The following SPOCK3 variants were observed in gnomAD, a reference collection of about 807,000 sequenced individuals.
SPOCK3 encodes the protein SPARC (osteonectin), cwcv and kazal like domains proteoglycan 3, also known as testican-3.
SPOCK3 carries 30 observed loss-of-function variants against 56.6 expected under a neutral mutation model. The ratio of observed to expected loss-of-function variants is 0.53; its 90% confidence interval spans 0.40 to 0.72. The LOEUF is 0.72. Among genes scored for constraint, SPOCK3 ranks in the 30% least tolerant of loss-of-function variants. The pLI is 0.00. For synonymous variants in SPOCK3, 196 were observed against 183.3 expected (o/e 1.07, Z -0.56); for missense variants, 527 against 530.0 (o/e 0.99, Z 0.06).
intron 2 of SPOCK3, among the ~76,000 whole-genome samples, chr4:167,156,530 AAAC>A (rs1164561642): frequency 4.6e-5 from 7 of 152,186 alleles, no homozygotes; most frequent in African/African-American, 1.7e-4. Flanking sequence ...GTGAAAAGAT[AAAC>A]AACAGCTACT....
At chr4:167,059,070 C>A (rs1755265710) in intron 3 of SPOCK3, among the ~76,000 whole-genome samples, 1 of 151,964 alleles carries the variant, frequency 6.6e-6, no homozygotes, top group Non-Finnish European at 1.5e-5. Flanking sequence ...CTAGGCAATA[C>A]CATTCAGGAC....
At chr4:167,009,979 C>G (rs1319122303) in intron 3 of SPOCK3, among the ~76,000 whole-genome samples, 3 of 151,874 alleles carry the variant, frequency 2.0e-5, no homozygotes, top group Admixed American at 6.6e-5. Context: ...ACAACCCTAG[C>G]CTTCAGAGGA....
At chr4:166,768,447 AGC>A (rs1272836019) in intron 7 of SPOCK3, among the ~76,000 whole-genome samples, 8 of 152,216 alleles carry the variant, frequency 5.3e-5, no homozygotes, top group Non-Finnish European at 1.2e-4. Context: ...TCACTTATGA[AGC>A]TAGTTTGGCT....
Position 167,059,137 on chromosome 4 carries a change from C to A in SPOCK3, c.235+3355G>T, listed in dbSNP as rs1755276493. On this transcript the variant is annotated intron_variant, in intron 3 of 10. Transcript: ENST00000357545. ...CACCAAAAGCAGTGGCAACAAAAGCCAAAATTGACAAATGGGATCTAATTA... is the reference window on the plus strand; with the variant it reads ...CACCAAAAGCAGTGGCAACAAAAGCAAAAATTGACAAATGGGATCTAATTA... 4.6e-5 allele frequency among the ~76,000 whole-genome samples: 7 copies of A among 152,068 alleles called. No individual in the cohort carries two copies. In the South Asian group the frequency reaches 1.5e-3, roughly 32 times the overall value.
At chr4:167,180,647 T>C (rs547526795) in intron 2 of SPOCK3, among the ~76,000 whole-genome samples, 1 of 152,286 alleles carries the variant, frequency 6.6e-6, no homozygotes, top group South Asian at 2.1e-4. Context: ...ATCAATAACC[T>C]GGTTGGTGGT....
In SPOCK3 at chr4:167,043,227, C is replaced by T. The variant is rs116045663; in HGVS notation, c.235+19265G>A. Among the ~76,000 whole-genome samples the T allele has an allele frequency of 8.4e-4, 128 of 152,032 alleles. 1 individual carries two copies. The highest frequency in any genetic ancestry group is 3.4e-3 in the Middle Eastern group (1 of 294). On this transcript the variant is annotated intron_variant, in intron 3 of 10. Transcript: ENST00000357545. ...TAGATTTATACCTAAGTATTTCATC[C>T]TAGAGGGTACTAATGTAAATGATAT...
At chr4:167,228,238 T>C (rs1736795012) in intron 2 of SPOCK3, among the ~76,000 whole-genome samples, 2 of 152,132 alleles carry the variant, frequency 1.3e-5, no homozygotes, top group African/African-American at 2.4e-5. Flanking sequence ...ACATAACACA[T>C]ATATGTAGAT....
chr4:167,213,911 C>T (rs1351658865), intron 2 of SPOCK3, among the ~76,000 whole-genome samples: 3 of 152,104 alleles, frequency 2.0e-5, no homozygotes, highest in Admixed American at 1.3e-4. Context: ...ATGACTTAAT[C>T]TATTGTACTG....
At chr4:166,910,662 G>T (rs1737169300) in intron 5 of SPOCK3, among the ~76,000 whole-genome samples, 1 of 152,140 alleles carries the variant, frequency 6.6e-6, no homozygotes, top group South Asian at 2.1e-4. Context: ...AGGATCACCT[G>T]CTAGGAGCAA....
At chr4:167,088,907 C>A (rs1758454754) in intron 2 of SPOCK3, among the ~76,000 whole-genome samples, 1 of 152,092 alleles carries the variant, frequency 6.6e-6, no homozygotes, top group African/African-American at 2.4e-5. Flanking sequence ...TATTTTTAGT[C>A]ATTCACATAT....
At chr4:166,934,391 G>A (rs917586965) in intron 4 of SPOCK3, among the ~76,000 whole-genome samples, 1 of 151,388 alleles carries the variant, frequency 6.6e-6, no homozygotes, top group African/African-American at 2.4e-5. Flanking sequence ...CAAGCTACTC[G>A]GGAGGCTGAG....
intron 3 of SPOCK3, among the ~76,000 whole-genome samples, chr4:167,020,234 T>C (rs1751041179): frequency 2.6e-5 from 4 of 152,096 alleles, no homozygotes; most frequent in Admixed American, 2.6e-4. Context: ...TGGAAACCCA[T>C]GCATTCAGTA....
At chr4:167,128,578 C>T (rs1762469662) in intron 2 of SPOCK3, among the ~76,000 whole-genome samples, 2 of 152,220 alleles carry the variant, frequency 1.3e-5, no homozygotes, top group South Asian at 4.1e-4. Context: ...ATTTGGCTTC[C>T]CTGGGCCACA....
chr4:166,937,753 AT>A (rs1268149519), intron 4 of SPOCK3, among the ~76,000 whole-genome samples: 35 of 119,510 alleles, frequency 2.9e-4, no homozygotes, highest in Non-Finnish European at 3.7e-4. Context: ...TCTTTTTTCT[AT>A]TTTTTTTTCT....
intron 8 of SPOCK3, among the ~76,000 whole-genome samples, chr4:166,746,693 G>C (rs1282973976): frequency 4.6e-5 from 7 of 152,148 alleles, no homozygotes; most frequent in Admixed American, 6.5e-5. Flanking sequence ...ATGAATCCAG[G>C]AGCTGGTTTT....
At chr4:167,230,823 G>A (rs924467289) in intron 2 of SPOCK3, among the ~76,000 whole-genome samples, 21 of 152,120 alleles carry the variant, frequency 1.4e-4, no homozygotes, top group African/African-American at 4.6e-4. Context: ...CACTCCAAGC[G>A]TCCTTCAAAA....
rs78877994 is a variant in SPOCK3 at position 167,113,997 on chromosome 4, G to A, written c.190-51460C>T. On this transcript the variant is annotated intron_variant, in intron 2 of 10. Transcript: ENST00000357545. ...ATATGCAGAGAACAAAGTTGAAACA[G>A]CCAGCTGAAAATCACCAGCGCAAAG... Among the ~76,000 whole-genome samples the A allele has an allele frequency of 8.0e-3, 1,208 of 151,730 alleles. 15 individuals carry two copies. The highest frequency in any genetic ancestry group is 0.028 in the African/African-American group (1,157 of 41,070).
intron 2 of SPOCK3, among the ~76,000 whole-genome samples, chr4:167,062,928 A>G (rs1016256202): frequency 3.9e-5 from 6 of 151,906 alleles, no homozygotes; most frequent in Non-Finnish European, 7.4e-5. Context: ...GCTATAAAGT[A>G]TCTTACCAGT....
intron 6 of SPOCK3, among the ~76,000 whole-genome samples, chr4:166,828,006 T>A (rs904404129): frequency 2.0e-5 from 3 of 152,140 alleles, no homozygotes; most frequent in Non-Finnish European, 2.9e-5. Context: ...ATCTGAATTG[T>A]TATTTAAAAG....
Sources: gnomAD v4.1 joint callset for allele counts (sites outside exome capture counted in the v4.1 genomes callset) on GRCh38, gnomAD v4.1.1 for gene constraint, MANE v1.5 for transcripts, NCBI Gene and HGNC (gene_info 2026-07-23, HGNC 2026-07-21) for gene names.